CDH18: variants seen among roughly 807,000 people sequenced by gnomAD.
CDH18 encodes the protein cadherin 18.
Under a neutral mutation model 67.9 loss-of-function variants are expected in CDH18, and 31 were observed. The ratio of observed to expected loss-of-function variants is 0.46; its 90% confidence interval spans 0.34 to 0.62. CDH18 has a LOEUF of 0.62. Ranked by LOEUF, CDH18 falls within the 20% of genes least tolerant of loss-of-function variation. The pLI, the probability that CDH18 is intolerant of heterozygous loss-of-function variation, is 0.01. For synonymous variants in CDH18, 362 were observed against 347.2 expected (o/e 1.04, Z -0.48); for missense variants, 890 against 975.5 (o/e 0.91, Z 1.17).
At chr5:20,148,717 C>T (rs1167246725) in intron 2 of CDH18, among the ~76,000 whole-genome samples, 1 of 151,618 alleles carries the variant, frequency 6.6e-6, no homozygotes, top group Admixed American at 6.6e-5. Context: ...GACCATAAAA[C>T]CTTTACTCAT....
intron 1 of CDH18, among the ~76,000 whole-genome samples, chr5:20,335,196 T>C (rs1002340997): frequency 5.3e-5 from 8 of 152,180 alleles, no homozygotes; most frequent in African/African-American, 1.9e-4. Flanking sequence ...TCTTCCCTTA[T>C]TTCTCTGTAG....
rs1041389521 is a variant in CDH18 at position 20,412,341 on chromosome 5, A to G, written c.-579-156836T>C. Among the ~76,000 whole-genome samples the G allele has an allele frequency of 8.5e-5, 13 of 152,316 alleles. No homozygotes were observed. In the East Asian group the frequency reaches 2.1e-3, roughly 25 times the overall value. ...AAGCAGTGAAATAAACTGGGCACGT[A>G]TCTCCTAACATAAACCAAAATTAAC... On this transcript the variant is annotated intron_variant, in intron 1 of 14. Transcript: ENST00000507958.
chr5:20,396,386 T>G (rs1381762267), intron 1 of CDH18, among the ~76,000 whole-genome samples: 1 of 136,620 alleles, frequency 7.3e-6, no homozygotes, highest in East Asian at 2.3e-4. Context: ...AAATATGTGT[T>G]GTTTCACTTT....
chr5:20,313,231 A>G (rs1737155044), intron 1 of CDH18, among the ~76,000 whole-genome samples: 1 of 152,090 alleles, frequency 6.6e-6, no homozygotes, highest in Non-Finnish European at 1.5e-5. Context: ...AATGTTTCCT[A>G]TTATATTTGT....
chr5:20,464,081 T>C (rs1212509883), intron 1 of CDH18, among the ~76,000 whole-genome samples: 1 of 152,134 alleles, frequency 6.6e-6, no homozygotes. Flanking sequence ...TTAAGTTGTA[T>C]TTTCTCTTAC....
At chr5:19,961,223 C>T (rs919232352) in intron 2 of CDH18, among the ~76,000 whole-genome samples, 1 of 151,414 alleles carries the variant, frequency 6.6e-6, no homozygotes, top group Non-Finnish European at 1.5e-5. Context: ...CTGCCTCAGC[C>T]TCCCGAGTAG....
chr5:19,516,923 A>C (rs890894560), intron 10 of CDH18, among the ~76,000 whole-genome samples: 1 of 152,116 alleles, frequency 6.6e-6, no homozygotes, highest in Non-Finnish European at 1.5e-5. Flanking sequence ...GTTTTTTATA[A>C]ATAAAACTGC....
At chr5:20,473,668 T>G (rs967083164) in intron 1 of CDH18, among the ~76,000 whole-genome samples, 7 of 152,172 alleles carry the variant, frequency 4.6e-5, no homozygotes, top group Non-Finnish European at 8.8e-5. Flanking sequence ...TCTAAACAGA[T>G]TCCCAAAGTG....
chr5:20,414,404 G>A (rs1194287023), intron 1 of CDH18, among the ~76,000 whole-genome samples: 2 of 152,086 alleles, frequency 1.3e-5, no homozygotes, highest in Non-Finnish European at 1.5e-5. Flanking sequence ...CTTAAAAGCG[G>A]GACCTAAACA....
At position 20,110,369 on chromosome 5, in the gene CDH18, T is replaced by C. The variant is rs899823317; in HGVS notation, c.-517-118355A>G. Among the ~76,000 whole-genome samples the C allele has an allele frequency of 1.7e-4, 26 of 152,226 alleles. 1 individual carries two copies. The highest frequency in any genetic ancestry group is 5.9e-5 in the Non-Finnish European group (4 of 68,044). On this transcript the variant is annotated intron_variant, in intron 2 of 14. Transcript: ENST00000507958. ...TATATAAAGTTTGTTGATTATTACA[T>C]GTCAGCCACATTTTTGAAAATACCA...
chr5:19,642,810 C>A (rs1754204785), intron 5 of CDH18, among the ~76,000 whole-genome samples: 1 of 151,794 alleles, frequency 6.6e-6, no homozygotes, highest in Admixed American at 6.6e-5. Context: ...GCAACAAAAG[C>A]AAAATAGGTA....
intron 5 of CDH18, among the ~76,000 whole-genome samples, chr5:19,703,253 A>T (rs1472679637): frequency 6.6e-6 from 1 of 152,084 alleles, no homozygotes; most frequent in Non-Finnish European, 1.5e-5. Context: ...TGACGGTTGG[A>T]GAACATGGAA....
At chr5:20,243,855 C>G (rs1427097864) in intron 2 of CDH18, among the ~76,000 whole-genome samples, 1 of 152,046 alleles carries the variant, frequency 6.6e-6, no homozygotes, top group African/African-American at 2.4e-5. Flanking sequence ...TGGGAACCTC[C>G]ACTTCAGTCC....
intron 7 of CDH18, among the ~76,000 whole-genome samples, chr5:19,572,655 T>C (rs769134917): frequency 6.6e-6 from 1 of 152,160 alleles, no homozygotes; most frequent in Non-Finnish European, 1.5e-5. Context: ...AGAGAAACCA[T>C]CTCTCCCTTG....
intron 1 of CDH18, among the ~76,000 whole-genome samples, chr5:20,537,469 T>C (rs914268173): frequency 4.6e-5 from 7 of 152,096 alleles, no homozygotes; most frequent in South Asian, 4.1e-4. Context: ...CATTGTACTA[T>C]CTAAACTGAT....
rs751717041 is a variant in CDH18, at chr5:19,591,231, T to C, written c.825A>G (p.Leu275=). Residue 275 remains leucine, a synonymous_variant, in exon 7 of 13, where the codon CTA becomes CTG. Coordinates refer to ENST00000382275, the MANE Select transcript of CDH18 (RefSeq NM_004934.5). ...PPRFPQKHYQ[L]YVPESAQVGS... ...CAACTTGAGCTGACTCAGGAACATA[T>C]AGCTGATAGTGTTCTGGAAGACATT... The C allele has an allele frequency of 3.7e-6, 6 of 1,600,672 alleles. No homozygotes were observed. Among genetic ancestry groups the C allele is most frequent in the South Asian group, 3.4e-5 (3 of 88,640 alleles).
At chr5:20,305,714 G>A (rs368981609) in intron 1 of CDH18, 8 of 398,372 alleles carry the variant, frequency 2.0e-5, no homozygotes, top group East Asian at 1.1e-4. Flanking sequence ...AGACGCGCCG[G>A]TTCAGCCGGA....
chr5:20,165,671 C>T (rs1007136292), intron 2 of CDH18, among the ~76,000 whole-genome samples: 9 of 152,022 alleles, frequency 5.9e-5, no homozygotes, highest in Admixed American at 1.3e-4. Context: ...CCAATGAAAT[C>T]GTTGACTCAT....
At chr5:20,095,442 A>AGAAAGAAAGAAG (rs1745869869) in intron 2 of CDH18, among the ~76,000 whole-genome samples, 1 of 143,184 alleles carries the variant, frequency 7.0e-6, no homozygotes, top group African/African-American at 2.6e-5. Context: ...AAAGAAAGAA[A>AGAAAGAAAGAAG]GAAAAGAAAG....
Sources: gnomAD v4.1 joint callset for allele counts (sites outside exome capture counted in the v4.1 genomes callset) on GRCh38, gnomAD v4.1.1 for gene constraint, MANE v1.5 for transcripts, NCBI Gene and HGNC (gene_info 2026-07-23, HGNC 2026-07-21) for gene names.